The following GRM7 variants were observed in gnomAD, a reference collection of about 807,000 sequenced individuals.
The protein encoded by GRM7 is glutamate metabotropic receptor 7.
GRM7 carries 35 observed loss-of-function variants against 84.5 expected under a neutral mutation model. The observed-to-expected ratio is 0.41, with a 90% CI of 0.32 to 0.55. The LOEUF is 0.55. Ranked by LOEUF, GRM7 falls within the 20% of genes least tolerant of loss-of-function variation. The pLI is 0.19. For synonymous variants in GRM7, 487 were observed against 455.1 expected (o/e 1.07, Z -0.89); for missense variants, 1,003 against 1,194.6 (o/e 0.84, Z 2.36).
At chr3:7,268,572 C>T (rs1269325051) in intron 2 of GRM7, among the ~76,000 whole-genome samples, 8 of 152,198 alleles carry the variant, frequency 5.3e-5, no homozygotes, top group Admixed American at 5.2e-4. Flanking sequence ...TCATTTGCTA[C>T]TCCAGAATCA....
chr3:6,938,328 A>G (rs1697761646), intron 1 of GRM7, among the ~76,000 whole-genome samples: 1 of 152,170 alleles, frequency 6.6e-6, no homozygotes, highest in Non-Finnish European at 1.5e-5. Flanking sequence ...ATATTCTACC[A>G]TGTGGCTTTC....
In GRM7 at chr3:7,720,555, C is replaced by T. The variant is rs545250368; in HGVS notation, c.2699-19802C>T. On this transcript the variant is annotated intron_variant, in intron 9 of 9. Transcript: ENST00000357716. The stretch of plus-strand genomic sequence containing the variant: ...GCCTAAAAGGGGGCTCCTCAGTCTC[C>T]CAGAATCCAAATATCCGTGCTAACA... 8.4e-4 allele frequency among the ~76,000 whole-genome samples: 128 copies of T among 152,258 alleles called. No homozygotes were observed. In the South Asian group the frequency reaches 0.025, roughly 29 times the overall value.
intron 4 of GRM7, among the ~76,000 whole-genome samples, chr3:7,367,145 A>T (rs71623048): frequency 1 from 151,962 of 151,962 alleles, 75,981 homozygotes; most frequent in Non-Finnish European, 1. Flanking sequence ...ATATTGATGT[A>T]TGGGTTCCAT....
At chr3:7,413,727 A>G (rs528885074) in intron 4 of GRM7, among the ~76,000 whole-genome samples, 1 of 152,288 alleles carries the variant, frequency 6.6e-6, no homozygotes, top group Non-Finnish European at 1.5e-5. Flanking sequence ...TTGGTGATGG[A>G]GCGTCTAGTA....
At chr3:6,944,117 T>A (rs974386044) in intron 1 of GRM7, among the ~76,000 whole-genome samples, 1 of 152,080 alleles carries the variant, frequency 6.6e-6, no homozygotes, top group African/African-American at 2.4e-5. Flanking sequence ...GACCATACCG[T>A]CTTCAAATAA....
chr3:7,693,896 G>C (rs1700912719), intron 9 of GRM7, among the ~76,000 whole-genome samples: 1 of 152,102 alleles, frequency 6.6e-6, no homozygotes, highest in South Asian at 2.1e-4. Flanking sequence ...TGGCCCACTA[G>C]AATATTGTCT....
intron 7 of GRM7, among the ~76,000 whole-genome samples, chr3:7,571,406 C>T (rs1299850600): frequency 1.3e-5 from 2 of 152,106 alleles, no homozygotes; most frequent in African/African-American, 2.4e-5. Flanking sequence ...CTGCCAGATA[C>T]CCTAAATCAT....
At chr3:6,885,700 T>C (rs1020680300) in intron 1 of GRM7, among the ~76,000 whole-genome samples, 1 of 152,246 alleles carries the variant, frequency 6.6e-6, no homozygotes, top group Non-Finnish European at 1.5e-5. Context: ...AAAGAGTTTC[T>C]GTGTTGGAAA....
Position 7,702,000 on chromosome 3 carries a change from A to G in GRM7, c.2698+21705A>G, listed in dbSNP as rs185524930. Among the ~76,000 whole-genome samples the G allele has an allele frequency of 6.4e-4, 98 of 152,280 alleles. No individual in the cohort carries two copies. In the Middle Eastern group the frequency reaches 0.01, roughly 16 times the overall value. On this transcript the variant is annotated intron_variant, in intron 9 of 9. Transcript: ENST00000357716. ...TGCATTTTCAGCTAACATGCATTGG[A>G]CCACATGAAGTCTATATAGAAGAAA...
intron 1 of GRM7, among the ~76,000 whole-genome samples, chr3:7,015,312 AC>A (rs1190894074): frequency 6.6e-6 from 1 of 152,154 alleles, no homozygotes; most frequent in Non-Finnish European, 1.5e-5. Flanking sequence ...GAGACCAAGA[AC>A]CCACCAGAAG....
intron 7 of GRM7, among the ~76,000 whole-genome samples, chr3:7,551,798 TG>T (rs1369941638): frequency 6.6e-6 from 1 of 152,116 alleles, no homozygotes; most frequent in Non-Finnish European, 1.5e-5. Flanking sequence ...GGTAGGCTCG[TG>T]TATTAGTCCA....
intron 8 of GRM7, among the ~76,000 whole-genome samples, chr3:7,625,205 G>A (rs1559447433): frequency 1.3e-5 from 2 of 152,106 alleles, no homozygotes; most frequent in South Asian, 2.1e-4. Context: ...CTGTCATATT[G>A]TACTGAGGCC....
At chr3:6,971,992 T>G (rs1693777030) in intron 1 of GRM7, among the ~76,000 whole-genome samples, 2 of 151,384 alleles carry the variant, frequency 1.3e-5, no homozygotes, top group South Asian at 4.2e-4. Context: ...TAATATTAAT[T>G]GAGCATTTTA....
At chr3:7,136,529 T>TTCCAGTGTTGAGGAAGGAAA (rs369510128) in intron 1 of GRM7, among the ~76,000 whole-genome samples, 4,330 of 152,076 alleles carry the variant, frequency 0.028, 154 homozygotes, top group African/African-American at 0.087. Flanking sequence ...TTCTCCTACA[T>TTCCAGTGTTGAGGAAGGAAA]TCCCCAAAAA....
At chr3:6,885,248 G>C (rs900962644) in intron 1 of GRM7, among the ~76,000 whole-genome samples, 4 of 152,180 alleles carry the variant, frequency 2.6e-5, no homozygotes, top group Non-Finnish European at 5.9e-5. Context: ...CAGAGGTACT[G>C]CTTCTTGCAG....
chr3:6,953,315 C>T (rs533249598), intron 1 of GRM7, among the ~76,000 whole-genome samples: 2 of 152,296 alleles, frequency 1.3e-5, no homozygotes, highest in South Asian at 4.1e-4. Context: ...CTCATTACTT[C>T]AACTCACATG....
intron 7 of GRM7, among the ~76,000 whole-genome samples, chr3:7,469,416 G>C (rs1698603145): frequency 6.6e-6 from 1 of 152,206 alleles, no homozygotes; most frequent in African/African-American, 2.4e-5. Flanking sequence ...TTTTATTTCA[G>C]TTGATTTTTT....
intron 1 of GRM7, among the ~76,000 whole-genome samples, chr3:7,029,577 C>A (rs1387757125): frequency 6.6e-6 from 1 of 152,044 alleles, no homozygotes; most frequent in African/African-American, 2.4e-5. Flanking sequence ...CCTTGAAGTA[C>A]CTTGCAAAGG....
chr3:7,312,936 CTTTTTTTTT>C (rs372557190), intron 4 of GRM7, among the ~76,000 whole-genome samples: 15 of 127,262 alleles, frequency 1.2e-4, no homozygotes, highest in African/African-American at 4.3e-4. Context: ...TTCTTTTTTT[CTTTTTTTTT>C]TTTTTTTTTA....
Sources: allele counts gnomAD v4.1 joint callset (sites outside exome capture counted in the v4.1 genomes callset), GRCh38; gene constraint gnomAD v4.1.1; transcripts MANE v1.5; gene names NCBI Gene and HGNC (gene_info 2026-07-23, HGNC 2026-07-21).